TRIP4: variants seen among roughly 807,000 people sequenced by gnomAD.
The protein encoded by TRIP4 is thyroid hormone receptor interactor 4.
Under a neutral mutation model 81.8 loss-of-function variants are expected in TRIP4, and 54 were observed. The ratio of observed to expected loss-of-function variants is 0.66; its 90% CI spans 0.53 to 0.83. The LOEUF is 0.83. Among genes scored for constraint, TRIP4 ranks in the 40% least tolerant of loss-of-function variants. The pLI, the probability that TRIP4 is intolerant of heterozygous loss-of-function variation, is 0.00. For missense variants in TRIP4, 662 were observed against 683.6 expected (o/e 0.97, Z 0.35); for synonymous variants, 270 against 242.8 (o/e 1.11, Z -1.04).
At chr15:64,448,030 CCTCT>C (rs1307174095) in intron 12 of TRIP4, among the ~76,000 whole-genome samples, 1 of 152,150 alleles carries the variant, frequency 6.6e-6, no homozygotes, top group African/African-American at 2.4e-5. Context: ...TTTTACCCTC[CCTCT>C]GTTTTGGTTC....
Position 64,445,100 on chromosome 15 carries a change from C to A in TRIP4, c.1670C>A (p.Pro557Gln). The change falls in exon 12 of 13, where the codon CCA becomes CAA. Residue 557 changes from proline to glutamine, a missense_variant. Physicochemically the swap from Pro to Gln is moderately conservative, Grantham distance 76. Transcript: ENST00000261884. Reference protein sequence around the residue: ...MVVKFPIKGNPKIWKLDSKIH... With the variant: ...MVVKFPIKGNQKIWKLDSKIH... ...GTGAAGTTTCCTATTAAAGGAAATC[C>A]AAAAATCTGTAAGTCATGATTTTTT... The A allele has an allele frequency of 6.3e-7, 1 of 1,582,722 alleles. No homozygotes were observed. The highest frequency in any genetic ancestry group is 8.6e-7 in the Non-Finnish European group (1 of 1,159,026).
chr15:64,438,576 C>T lies in TRIP4; in HGVS notation c.1576-6430C>T, dbSNP rs185731376. 8.5e-5 allele frequency among the ~76,000 whole-genome samples: 13 copies of T among 152,288 alleles called. No individual in the cohort carries two copies. The East Asian group carries it at 2.5e-3, about 29-fold the overall frequency. ...TCAGGTGATGCACTTGCCTCGGCCT[C>T]CCAAAATTGTCTTTAATTAAAAGCA... On this transcript the variant is annotated intron_variant, in intron 11 of 12. Coordinates refer to ENST00000261884, the MANE Select transcript of TRIP4 (RefSeq NM_016213.5).
At chr15:64,451,785 CT>C (rs1467350910) in intron 12 of TRIP4, among the ~76,000 whole-genome samples, 4 of 150,844 alleles carry the variant, frequency 2.7e-5, no homozygotes, top group African/African-American at 9.8e-5. Flanking sequence ...TCTTGAGTAG[CT>C]GGGATTACAG....
intron 11 of TRIP4, among the ~76,000 whole-genome samples, chr15:64,441,377 CAA>C (rs1892514653): frequency 6.6e-6 from 1 of 152,020 alleles, no homozygotes; most frequent in Non-Finnish European, 1.5e-5. Context: ...GATGAGTAAA[CAA>C]AACAAAAATC....
intron 12 of TRIP4, among the ~76,000 whole-genome samples, chr15:64,452,579 G>A (rs1044329346): frequency 9.2e-5 from 14 of 152,152 alleles, no homozygotes; most frequent in African/African-American, 3.4e-4. Flanking sequence ...CTTCATGTTA[G>A]CTATAATCTT....
At chr15:64,423,128 C>T (rs570053877) in intron 9 of TRIP4, among the ~76,000 whole-genome samples, 2 of 152,064 alleles carry the variant, frequency 1.3e-5, no homozygotes, top group South Asian at 2.1e-4. Flanking sequence ...CAAACTAGTC[C>T]ACAAGTTGTT....
intron 11 of TRIP4, among the ~76,000 whole-genome samples, chr15:64,428,472 G>A (rs920950641): frequency 2.6e-5 from 4 of 152,174 alleles, no homozygotes; most frequent in African/African-American, 9.7e-5. Context: ...TCCAGCTAGA[G>A]GTGCTGGCAA....
intron 1 of TRIP4, among the ~76,000 whole-genome samples, chr15:64,391,165 T>A (rs1180222236): frequency 6.6e-6 from 1 of 152,086 alleles, no homozygotes; most frequent in Non-Finnish European, 1.5e-5. Context: ...CTTTTTTTTT[T>A]TTCTTTTTTG....
Position 64,408,449 on chromosome 15 carries a change from C to T in TRIP4, c.828-1164C>T, listed in dbSNP as rs576644767. Among the ~76,000 whole-genome samples the T allele has an allele frequency of 2.0e-5, 3 of 150,502 alleles. No homozygotes were observed. The South Asian group carries it at 6.3e-4, about 32-fold the overall frequency. On this transcript the variant is annotated intron_variant, in intron 6 of 12. Coordinates refer to ENST00000261884, the MANE Select transcript of TRIP4 (RefSeq NM_016213.5). ...AATTTTTTTGTATTTTTAGTAGAGACGGGGTTTCACCGTGTTAGCCAGGAT... is the reference window on the plus strand; with the variant it reads ...AATTTTTTTGTATTTTTAGTAGAGATGGGGTTTCACCGTGTTAGCCAGGAT...
Position 64,406,383 on chromosome 15 carries a change from C to G in TRIP4, c.751C>G (p.Gln251Glu), listed in dbSNP as rs1341299680. The stretch of plus-strand genomic sequence containing the variant: ...CTCTACCAAGGACCTTCTTCCTCAT[C>G]AAGAATTGCGAATTAAGTCTGGTCT... ...DISTKDLLPH[Q>E]ELRIKSGLEK... Residue 251 changes from glutamine (Q) to glutamate (E), a missense_variant, in exon 6 of 13, where the codon CAA becomes GAA. By Grantham distance (29) the Gln-to-Glu change is conservative (BLOSUM62 2). Transcript: ENST00000261884. 6.2e-7 allele frequency: 1 copy of G among 1,614,022 alleles called. No homozygotes were observed. Among genetic ancestry groups the G allele is most frequent in the Non-Finnish European group, 8.5e-7 (1 of 1,180,032 alleles).
chr15:64,424,381 G>C, intron 10 of TRIP4: 1 of 508,584 alleles, frequency 2.0e-6, no homozygotes, highest in Non-Finnish European at 3.3e-6. Flanking sequence ...AAATCAACTA[G>C]TCTTAATTTT....
chr15:64,405,957 A>C (rs1479498197), intron 5 of TRIP4, among the ~76,000 whole-genome samples: 1 of 152,206 alleles, frequency 6.6e-6, no homozygotes, highest in African/African-American at 2.4e-5. Context: ...ACACTACTGC[A>C]CTCCAGACTG....
chr15:64,405,814 G>GT (rs1891609487), intron 5 of TRIP4, among the ~76,000 whole-genome samples: 2 of 152,184 alleles, frequency 1.3e-5, no homozygotes, highest in Admixed American at 1.3e-4. Context: ...GAGCAACATA[G>GT]TGAGACCCGC....
intron 12 of TRIP4, among the ~76,000 whole-genome samples, chr15:64,445,775 A>G (rs986212096): frequency 6.6e-6 from 1 of 152,156 alleles, no homozygotes; most frequent in African/African-American, 2.4e-5. Context: ...TAACTACAGT[A>G]AAGCCTTTCC....
chr15:64,418,345 C>G (rs907353192), intron 8 of TRIP4, among the ~76,000 whole-genome samples, 196 bp from the exon 9 acceptor site: 1 of 152,218 alleles, frequency 6.6e-6, no homozygotes, highest in South Asian at 2.1e-4. Flanking sequence ...CTCCTGACCT[C>G]AAGTGATCCA....
chr15:64,395,979 G>A (rs998990536), intron 3 of TRIP4, among the ~76,000 whole-genome samples: 5 of 151,472 alleles, frequency 3.3e-5, no homozygotes, highest in Non-Finnish European at 7.4e-5. Flanking sequence ...TGTAATCTCA[G>A]CTCACCACAA....
intron 12 of TRIP4, among the ~76,000 whole-genome samples, chr15:64,450,393 GAAAA>G (rs1005400086): frequency 1.1e-4 from 5 of 46,946 alleles, no homozygotes; most frequent in Admixed American, 7.9e-4. Context: ...CGTCTCAAAA[GAAAA>G]AAAAAAAAAA....
chr15:64,427,044 A>G (rs2140302339), intron 11 of TRIP4, among the ~76,000 whole-genome samples: 1 of 152,254 alleles, frequency 6.6e-6, no homozygotes, highest in African/African-American at 2.4e-5. Context: ...ACTAAAGTAC[A>G]TTTTTGAGCA....
At chr15:64,407,983 G>A (rs1891667889) in intron 6 of TRIP4, among the ~76,000 whole-genome samples, 1 of 151,836 alleles carries the variant, frequency 6.6e-6, no homozygotes, top group Non-Finnish European at 1.5e-5. Flanking sequence ...TGTAATCCCA[G>A]CTACTTGGGA....
Sources: gnomAD v4.1 joint callset for allele counts (sites outside exome capture counted in the v4.1 genomes callset) on GRCh38, gnomAD v4.1.1 for gene constraint, MANE v1.5 for transcripts, NCBI Gene and HGNC (gene_info 2026-07-23, HGNC 2026-07-21) for gene names.